The following CAMK2G variants were observed in gnomAD, a reference collection of about 807,000 sequenced individuals.
The protein encoded by CAMK2G is calcium/calmodulin-dependent protein kinase type II subunit gamma.
CAMK2G carries 23 observed loss-of-function variants against 88.7 expected under a neutral mutation model. The observed-to-expected ratio is 0.26, with a 90% CI of 0.19 to 0.37. The LOEUF (loss-of-function observed/expected upper bound fraction) is 0.37. CAMK2G is among the 10% of genes least tolerant of loss of function. CAMK2G has a pLI of 1.00. For synonymous variants in CAMK2G, 263 were observed against 294.8 expected (o/e 0.89, Z 1.11); for missense variants, 476 against 780.8 (o/e 0.61, Z 4.65).
chr10:73,816,247 C>T, intron 21 of CAMK2G: 1 of 989,034 alleles, frequency 1.0e-6, no homozygotes, highest in Non-Finnish European at 1.2e-6. Context: ...TACAAGACGT[C>T]TGCCTTCCTC....
intron 3 of CAMK2G, among the ~76,000 whole-genome samples, chr10:73,855,192 C>G (rs1397212306): frequency 6.6e-6 from 1 of 152,210 alleles, no homozygotes; most frequent in East Asian, 1.9e-4. Context: ...ATTGCCTCCG[C>G]CCCACTCACT....
intron 14 of CAMK2G, among the ~76,000 whole-genome samples, chr10:73,830,685 C>A (rs955692170): frequency 6.6e-6 from 1 of 152,166 alleles, no homozygotes; most frequent in African/African-American, 2.4e-5. Flanking sequence ...CTCTCAGGAT[C>A]TGAGAGTTTG....
rs2084589380 is a variant in CAMK2G at position 73,813,182 on chromosome 10, T to A, written c.*1336A>T. On this transcript the variant is annotated 3_prime_UTR_variant, in exon 23 of 23. Coordinates refer to ENST00000423381, the MANE Select transcript of CAMK2G (RefSeq NM_001367534.1). ...GGGTATAGATCTCTTCCTCCTGGAA[T>A]GGAACTCCTTGAGCACAGAGAGGGA... The A allele has an allele frequency of 6.5e-6, 1 of 152,694 alleles. No homozygotes were observed. Among genetic ancestry groups the A allele is most frequent in the African/African-American group, 2.4e-5 (1 of 41,450 alleles). The allele number at this position is 152,694 out of a possible 1,614,324, so 9.5% of individuals were successfully genotyped here.
chr10:73,837,872 C>G (rs2093405118), intron 13 of CAMK2G, among the ~76,000 whole-genome samples: 1 of 152,174 alleles, frequency 6.6e-6, no homozygotes, highest in African/African-American at 2.4e-5. Context: ...GGGCTCCATC[C>G]CTAGGTGCCA....
chr10:73,843,864 C>T (rs2094010086), intron 10 of CAMK2G, among the ~76,000 whole-genome samples: 1 of 152,118 alleles, frequency 6.6e-6, no homozygotes, highest in African/African-American at 2.4e-5. Flanking sequence ...GAACCCCTTT[C>T]AGCTCAGACT....
At chr10:73,859,543 G>A (rs1265392449) in intron 3 of CAMK2G, among the ~76,000 whole-genome samples, 3 of 152,204 alleles carry the variant, frequency 2.0e-5, no homozygotes, top group East Asian at 1.9e-4. Context: ...TCCCCACTGC[G>A]CTGTTTTCAG....
intron 14 of CAMK2G, among the ~76,000 whole-genome samples, chr10:73,833,107 C>T (rs545355707): frequency 6.6e-6 from 1 of 151,276 alleles, no homozygotes; most frequent in Non-Finnish European, 1.5e-5. Flanking sequence ...ACTACAGGCA[C>T]GTTCCACCAC....
rs762122470 is a variant in CAMK2G at position 73,817,096 on chromosome 10, G to A, written c.1461C>T (p.Leu487=). ...CAAGGGCCTCAGGCTCAAAGGAAGT[G>A]AGGCCTGGATCACAAATCTTCCTAC... The part of the protein sequence containing the change: ...EAYTKICDPG[L]TSFEPEALGN... Residue 487 remains leucine (L), a synonymous_variant, in exon 21 of 23, where the codon CTC becomes CTT. Transcript: ENST00000423381. The A allele has an allele frequency of 1.2e-6, 2 of 1,613,038 alleles. No individual in the cohort carries two copies. The highest frequency in any genetic ancestry group is 1.7e-5 in the Admixed American group (1 of 59,900).
At chr10:73,816,701 C>T (rs1194758040) in intron 21 of CAMK2G, 24 of 1,168,942 alleles carry the variant, frequency 2.1e-5, no homozygotes, top group South Asian at 1.2e-4. Context: ...CCTCGTGATC[C>T]GCCAGCCTCA....
intron 3 of CAMK2G, among the ~76,000 whole-genome samples, chr10:73,859,663 G>A (rs987975878): frequency 5.9e-5 from 9 of 152,208 alleles, no homozygotes; most frequent in Admixed American, 4.6e-4. Flanking sequence ...AGGCAAAGCC[G>A]ATCACCACTG....
intron 2 of CAMK2G, among the ~76,000 whole-genome samples, chr10:73,863,504 T>G (rs2095469036): frequency 6.6e-6 from 1 of 152,146 alleles, no homozygotes; most frequent in Non-Finnish European, 1.5e-5. Flanking sequence ...GCCCCAAAGC[T>G]ACAGACCCAC....
chr10:73,846,414 CA>C (rs1175503900), intron 10 of CAMK2G: 2 of 152,192 alleles, frequency 1.3e-5, no homozygotes, highest in Non-Finnish European at 2.9e-5. Context: ...TCAGTAACCC[CA>C]CCACCCACCA....
Position 73,848,993 on chromosome 10 carries a change from G to A in CAMK2G, c.517+20C>T, listed in dbSNP as rs1351918369. The A allele has an allele frequency of 4.7e-6, 7 of 1,483,124 alleles. No homozygotes were observed. The highest frequency in any genetic ancestry group is 4.5e-5 in the East Asian group (2 of 44,280). 91.9% of individuals were successfully genotyped at this position (1,483,124 alleles called of 1,614,324 possible). On this transcript the variant is annotated intron_variant, in intron 7 of 22. Transcript: ENST00000423381. This position sits in a 1 kb window ranked among gnomAD's most constrained non-coding sequence, Gnocchi z 4.5. Reference sequence around the variant, plus strand: ...AGGAAGGGCGGGGGCTGCATTCCGGGAAGACAGGATCACCCTTACCAAACC... The same window carrying A: ...AGGAAGGGCGGGGGCTGCATTCCGGAAAGACAGGATCACCCTTACCAAACC...
chr10:73,821,809 T>C, intron 17 of CAMK2G, 79 bp from the exon 18 acceptor site: 1 of 1,159,922 alleles, frequency 8.6e-7, no homozygotes, highest in Non-Finnish European at 1.3e-6. Context: ...AAAGCAGAGT[T>C]TCTGCTCCTA....
rs1206216180 is a variant in CAMK2G, at chr10:73,873,003, T to G, written c.146A>C (p.Lys49Thr). Reference sequence around the variant, plus strand: ...GGAACACTCACCCCGGGCAGACAACTTCTTGGTATTGATGATTTTTGCTGC... The same window carrying G: ...GGAACACTCACCCCGGGCAGACAACGTCTTGGTATTGATGATTTTTGCTGC... ...EYAAKIINTK[K>T]LSARDHQKLE... The change falls in exon 2 of 23, where the codon AAG (lysine) becomes ACG (threonine). Residue 49 changes from lysine to threonine, a missense_variant. Physicochemically the swap from Lys to Thr is moderately conservative, Grantham distance 78 (BLOSUM62 -1). Coordinates refer to ENST00000423381, the MANE Select transcript of CAMK2G (RefSeq NM_001367534.1). The G allele has an allele frequency of 6.2e-7, 1 of 1,610,322 alleles. No homozygotes were observed.
intron 21 of CAMK2G, chr10:73,816,165 G>A: frequency 8.1e-6 from 8 of 985,580 alleles, no homozygotes; most frequent in Non-Finnish European, 9.6e-6. Context: ...AGAAAGATGG[G>A]AGGGGGTGAT....
chr10:73,851,192 C>G (rs1418717696), intron 5 of CAMK2G, among the ~76,000 whole-genome samples: 2 of 152,268 alleles, frequency 1.3e-5, no homozygotes, highest in Non-Finnish European at 2.9e-5. Context: ...CACTCCCCCA[C>G]TCTCCAGAAG....
chr10:73,820,793 C>G (rs998468520), intron 18 of CAMK2G, among the ~76,000 whole-genome samples: 2 of 151,218 alleles, frequency 1.3e-5, no homozygotes, highest in African/African-American at 2.4e-5. Context: ...CCACCTCCGC[C>G]TCCCGAGTAG....
intron 2 of CAMK2G, among the ~76,000 whole-genome samples, chr10:73,869,084 AGCAACTGTTGTT>A (rs2095705796): frequency 6.6e-6 from 1 of 152,210 alleles, no homozygotes; most frequent in Admixed American, 6.5e-5. Context: ...GCATGGCAAG[AGCAACTGTTGTT>A]GCAGATTTTA....
Sources: allele counts gnomAD v4.1 joint callset (sites outside exome capture counted in the v4.1 genomes callset), GRCh38; gene constraint gnomAD v4.1.1; non-coding constraint Gnocchi (gnomAD v3.1); transcripts MANE v1.5; gene names NCBI Gene and HGNC (gene_info 2026-07-23, HGNC 2026-07-21).